The following SH2D4A variants were observed in gnomAD, a reference collection of about 807,000 sequenced individuals.
The protein encoded by SH2D4A is SH2 domain containing 4A.
Under a neutral mutation model 64.7 loss-of-function variants are expected in SH2D4A, and 70 were observed. The ratio of observed to expected loss-of-function variants is 1.08; its 90% CI spans 0.89 to 1.32. The LOEUF is 1.32. SH2D4A is among the 40% of genes most tolerant of loss of function. The pLI is 0.00. For synonymous variants in SH2D4A, 268 were observed against 200.7 expected (o/e 1.34, Z -2.83); for missense variants, 706 against 540.1 (o/e 1.31, Z -3.04).
intron 7 of SH2D4A, among the ~76,000 whole-genome samples, chr8:19,366,651 C>G (rs1225204337): frequency 6.6e-6 from 1 of 152,052 alleles, no homozygotes; most frequent in Non-Finnish European, 1.5e-5. Context: ...AAAAATAAGC[C>G]TGGTGTGGCG....
chr8:19,323,950 G>A (rs1023862733), intron 2 of SH2D4A, among the ~76,000 whole-genome samples: 3 of 152,180 alleles, frequency 2.0e-5, no homozygotes, highest in African/African-American at 7.2e-5. Flanking sequence ...GACACAGCTG[G>A]AATAGATCCT....
At chr8:19,394,445 C>G in intron 9 of SH2D4A, 105 bp from the exon 10 acceptor site, 1 of 713,106 alleles carries the variant, frequency 1.4e-6, no homozygotes, top group East Asian at 2.9e-5. Flanking sequence ...ACCACAAAAG[C>G]TTTGTGTAAA....
In SH2D4A at chr8:19,334,207, C is replaced by G. The variant is rs1353590930; in HGVS notation, c.342-479C>G. On this transcript the variant is annotated intron_variant, in intron 3 of 9. Coordinates refer to ENST00000265807, the MANE Select transcript of SH2D4A (RefSeq NM_022071.4). Reference sequence around the variant, plus strand: ...AGGACCACCGTTCAGTTCCCAAGGGCTAGGGATGCAAAGCAGACTCTGTGG... The same window carrying G: ...AGGACCACCGTTCAGTTCCCAAGGGGTAGGGATGCAAAGCAGACTCTGTGG... 3.3e-5 allele frequency among the ~76,000 whole-genome samples: 5 copies of G among 152,150 alleles called. No homozygotes were observed. The East Asian group carries it at 9.6e-4, about 29-fold the overall frequency.
chr8:19,318,527 T>C (rs2052128832), intron 1 of SH2D4A, among the ~76,000 whole-genome samples: 2 of 152,216 alleles, frequency 1.3e-5, no homozygotes, highest in African/African-American at 4.8e-5. Flanking sequence ...ATGGTTTCTC[T>C]TTCAAGGAGC....
chr8:19,330,344 G>A (rs1355283819), intron 2 of SH2D4A, among the ~76,000 whole-genome samples: 2 of 152,146 alleles, frequency 1.3e-5, no homozygotes, highest in African/African-American at 4.8e-5. Context: ...GAGGTGAAAA[G>A]TCAGCAGAGA....
chr8:19,337,395 C>T (rs2052460760), intron 4 of SH2D4A, among the ~76,000 whole-genome samples: 1 of 152,036 alleles, frequency 6.6e-6, no homozygotes, highest in Non-Finnish European at 1.5e-5. Flanking sequence ...TTTATGTCCA[C>T]CTAGAACCTC....
At position 19,361,297 on chromosome 8, in the gene SH2D4A, C is replaced by G. The variant is rs184291609; in HGVS notation, c.689C>G (p.Ser230Trp). The change falls in exon 6 of 10, where the codon TCG (serine) becomes TGG (tryptophan). Residue 230 changes from serine (S) to tryptophan (W), a missense_variant. By Grantham distance (177) the Ser-to-Trp change is radical (BLOSUM62 -3). Coordinates refer to ENST00000265807, the MANE Select transcript of SH2D4A (RefSeq NM_022071.4). ...KQICKSWKED[S>W]EWQASLRKSK... ...ATTTGTAAGAGCTGGAAAGAAGACT[C>G]GGAATGGCAGGCATCTCGTGAGTAC... 9 of 1,611,070 alleles carry G rather than the reference C, an allele frequency of 5.6e-6. No homozygotes were observed. The Middle Eastern group carries it at 8.2e-4, about 148-fold the overall frequency.
At position 19,364,221 on chromosome 8, in the gene SH2D4A, C is replaced by A. The variant is rs2052947599; in HGVS notation, c.856C>A (p.Pro286Thr). 6.2e-7 allele frequency: 1 copy of A among 1,614,086 alleles called. No homozygotes were observed. The highest frequency in any genetic ancestry group is 8.5e-7 in the Non-Finnish European group (1 of 1,180,030). The change falls in exon 7 of 10, where the codon CCT becomes ACT. Residue 286 changes from proline (P) to threonine (T), a missense_variant. Coordinates refer to ENST00000265807, the MANE Select transcript of SH2D4A (RefSeq NM_022071.4). The stretch of plus-strand genomic sequence containing the variant: ...GCGTGTTCCGCAGAAACCAGAAAGA[C>A]CTCCCCTTCCACCCAAGCCTCAGTT... ...PLRVPQKPER[P>T]PLPPKPQFLN...
In SH2D4A at chr8:19,393,363, G is replaced by C. The variant is rs755542132; in HGVS notation, c.1094G>C (p.Gly365Ala). 6.2e-7 allele frequency: 1 copy of C among 1,613,968 alleles called. No individual in the cohort carries two copies. Among genetic ancestry groups the C allele is most frequent in the East Asian group, 2.2e-5 (1 of 44,894 alleles). Reference protein sequence around the residue: ...KKANELLLSTGMPGSFLIRVS... With the variant: ...KKANELLLSTAMPGSFLIRVS... ...GCAAATGAACTTCTTCTGAGCACAG[G>C]CATGCCCGGCAGTTTTCTCATCCGA... Residue 365 changes from glycine to alanine, a missense_variant, in exon 9 of 10, where the codon GGC becomes GCC. Physicochemically the swap from Gly to Ala is moderately conservative, Grantham distance 60. Transcript: ENST00000265807.
In SH2D4A at chr8:19,394,904, A is replaced by G; in HGVS notation, c.*262A>G. Reference sequence around the variant, plus strand: ...TACCTGTCATGAAGGGTATGACCTTAATGATGTACATAAAATAAAACAAAT... The same window carrying G: ...TACCTGTCATGAAGGGTATGACCTTGATGATGTACATAAAATAAAACAAAT... On this transcript the variant is annotated 3_prime_UTR_variant, in exon 10 of 10. Coordinates refer to ENST00000265807, the MANE Select transcript of SH2D4A (RefSeq NM_022071.4). 3.3e-6 allele frequency: 1 copy of G among 298,840 alleles called. No individual in the cohort carries two copies. The highest frequency in any genetic ancestry group is 6.1e-6 in the Non-Finnish European group (1 of 163,342). The allele number at this position is 298,840 out of a possible 1,614,324, so 18.5% of individuals were successfully genotyped here.
intron 5 of SH2D4A, among the ~76,000 whole-genome samples, chr8:19,358,011 G>A (rs548147889): frequency 3.3e-5 from 5 of 152,244 alleles, no homozygotes; most frequent in South Asian, 2.1e-4. Flanking sequence ...TCCTCTGAAG[G>A]GACATGCATG....
At chr8:19,317,794 C>G (rs542525052) in intron 1 of SH2D4A, among the ~76,000 whole-genome samples, 7 of 152,142 alleles carry the variant, frequency 4.6e-5, no homozygotes, top group Non-Finnish European at 1.0e-4. Flanking sequence ...AAGTTTAAGA[C>G]TGTTTGAACA....
chr8:19,375,799 T>C (rs944151874), intron 8 of SH2D4A, among the ~76,000 whole-genome samples: 24 of 152,216 alleles, frequency 1.6e-4, no homozygotes, highest in African/African-American at 5.8e-4. Flanking sequence ...TTAATTAGTT[T>C]GATTTAATTA....
chr8:19,315,868 G>C (rs10107389), intron 1 of SH2D4A, among the ~76,000 whole-genome samples: 12 of 151,968 alleles, frequency 7.9e-5, no homozygotes, highest in Non-Finnish European at 1.5e-4. Flanking sequence ...AGGCTCCTTC[G>C]CTTCACAGTA....
intron 8 of SH2D4A, among the ~76,000 whole-genome samples, chr8:19,383,983 C>T (rs1792433292): frequency 6.6e-6 from 1 of 152,100 alleles, no homozygotes; most frequent in South Asian, 2.1e-4. Context: ...TAGAACAGTA[C>T]CTAATAGGTG....
chr8:19,385,772 C>A (rs2053380367), intron 8 of SH2D4A, among the ~76,000 whole-genome samples: 1 of 152,134 alleles, frequency 6.6e-6, no homozygotes, highest in African/African-American at 2.4e-5. Context: ...ATGGAGGCTT[C>A]CCAAAATTTC....
intron 4 of SH2D4A, among the ~76,000 whole-genome samples, chr8:19,345,685 A>G (rs1291020164): frequency 2.0e-5 from 3 of 152,256 alleles, no homozygotes; most frequent in Non-Finnish European, 4.4e-5. Flanking sequence ...ATAAAAATGT[A>G]GAGAGCTGTA....
chr8:19,362,802 A>T (rs1020698524), intron 6 of SH2D4A, among the ~76,000 whole-genome samples: 9 of 152,168 alleles, frequency 5.9e-5, no homozygotes. Flanking sequence ...CCAAAAAATA[A>T]TAATAAAACC....
At chr8:19,389,487 C>T (rs10090580) in intron 8 of SH2D4A, among the ~76,000 whole-genome samples, 12,940 of 152,112 alleles carry the variant, frequency 0.085, 808 homozygotes, top group African/African-American at 0.17. Flanking sequence ...CCAGCTGCGA[C>T]GGACCCTTGT....
Sources: gnomAD v4.1 joint callset for allele counts (sites outside exome capture counted in the v4.1 genomes callset) on GRCh38, gnomAD v4.1.1 for gene constraint, MANE v1.5 for transcripts, NCBI Gene and HGNC (gene_info 2026-07-23, HGNC 2026-07-21) for gene names.